Variants in CDH12 observed in about 807,000 individuals in gnomAD.
The protein encoded by CDH12 is cadherin 12, also known as cadherin-12.
Under a neutral mutation model 74.1 loss-of-function variants are expected in CDH12, and 41 were observed. The observed-to-expected ratio is 0.55, with a 90% CI of 0.43 to 0.72. The LOEUF (loss-of-function observed/expected upper bound fraction) is 0.72, where lower values mean the gene tolerates loss of function less well. CDH12 is among the 30% of genes least tolerant of loss of function. The pLI, the probability that CDH12 is intolerant of heterozygous loss-of-function variation, is 0.00. For missense variants in CDH12, 945 were observed against 977.2 expected, an observed-to-expected ratio of 0.97 and a Z score of 0.44; for synonymous variants, 399 against 355.0, an observed-to-expected ratio of 1.12 and a Z score of -1.39.
intron 6 of CDH12, among the ~76,000 whole-genome samples, chr5:21,928,665 T>A (rs1291869235): frequency 6.6e-6 from 1 of 152,194 alleles, no homozygotes; most frequent in African/African-American, 2.4e-5. Context: ...AGTTTTTTTT[T>A]AATTTTGTAT....
chr5:22,450,034 A>G (rs561347798), intron 2 of CDH12, among the ~76,000 whole-genome samples: 1 of 152,192 alleles, frequency 6.6e-6, no homozygotes, highest in Admixed American at 6.6e-5. Flanking sequence ...AATACAATAG[A>G]TTAAACACTC....
intron 2 of CDH12, among the ~76,000 whole-genome samples, chr5:22,497,638 C>CTTTTTTTTT (rs747466944): frequency 7.2e-5 from 6 of 83,232 alleles, no homozygotes; most frequent in Non-Finnish European, 1.3e-4. Context: ...TGTCGAATCT[C>CTTTTTTTTT]TTTTTTTTTT....
intron 1 of CDH12, among the ~76,000 whole-genome samples, chr5:22,654,627 G>GTTT (rs58293821): frequency 2.1e-5 from 3 of 143,584 alleles, no homozygotes; most frequent in Non-Finnish European, 3.0e-5. Context: ...TTGTTTGCTT[G>GTTT]TTTTTTTTTT....
intron 1 of CDH12, among the ~76,000 whole-genome samples, chr5:22,815,765 G>T (rs1418604219): frequency 7.6e-5 from 7 of 91,546 alleles, no homozygotes; most frequent in African/African-American, 1.4e-4. Context: ...AGGAGACTCC[G>T]TCTCAAAAAA....
intron 1 of CDH12, among the ~76,000 whole-genome samples, chr5:22,770,143 A>G (rs1746732400): frequency 6.6e-6 from 1 of 151,660 alleles, no homozygotes; most frequent in South Asian, 2.1e-4. Context: ...CCATTCTTAC[A>G]CCTGTGTATT....
At chr5:21,960,069 G>A (rs1251746883) in intron 6 of CDH12, among the ~76,000 whole-genome samples, 1 of 152,004 alleles carries the variant, frequency 6.6e-6, no homozygotes, top group South Asian at 2.1e-4. Context: ...AGTACAAAGA[G>A]GCTCCCACAC....
intron 1 of CDH12, among the ~76,000 whole-genome samples, chr5:22,613,116 T>A (rs1737497388): frequency 6.6e-6 from 1 of 152,014 alleles, no homozygotes; most frequent in African/African-American, 2.4e-5. Flanking sequence ...AATCTACATG[T>A]CACATTTCAT....
At chr5:21,852,257 C>T (rs1172076553) in intron 7 of CDH12, among the ~76,000 whole-genome samples, 5 of 151,366 alleles carry the variant, frequency 3.3e-5, no homozygotes, top group Admixed American at 3.3e-4. Flanking sequence ...AATATCAAGA[C>T]TTCTGTCTCC....
chr5:22,629,484 T>C (rs576097626), intron 1 of CDH12, among the ~76,000 whole-genome samples: 16 of 152,180 alleles, frequency 1.1e-4, no homozygotes, highest in African/African-American at 3.9e-4. Flanking sequence ...TCTGATTTAT[T>C]ACATAAACAG....
At chr5:22,583,591 T>A (rs1377155948) in intron 1 of CDH12, among the ~76,000 whole-genome samples, 3 of 152,188 alleles carry the variant, frequency 2.0e-5, no homozygotes, top group Non-Finnish European at 4.4e-5. Flanking sequence ...ATGTAGAGGT[T>A]ATTTGCCTTG....
chr5:22,747,384 G>A (rs1745344090), intron 1 of CDH12, among the ~76,000 whole-genome samples: 1 of 150,932 alleles, frequency 6.6e-6, no homozygotes, highest in Non-Finnish European at 1.5e-5. Context: ...AGCAGTTTAG[G>A]AGGCCAACAT....
At chr5:22,623,322 A>T (rs942817255) in intron 1 of CDH12, among the ~76,000 whole-genome samples, 1 of 152,234 alleles carries the variant, frequency 6.6e-6, no homozygotes, top group Non-Finnish European at 1.5e-5. Flanking sequence ...CAGGGCAATC[A>T]GGCAGGAGAA....
intron 3 of CDH12, among the ~76,000 whole-genome samples, chr5:22,322,470 AT>A (rs1187210398): frequency 6.6e-6 from 1 of 152,088 alleles, no homozygotes; most frequent in Non-Finnish European, 1.5e-5. Flanking sequence ...TTATATCATT[AT>A]TTTCTCTGCT....
At chr5:22,284,626 C>T (rs182581906) in intron 3 of CDH12, among the ~76,000 whole-genome samples, 2 of 152,180 alleles carry the variant, frequency 1.3e-5, no homozygotes, top group East Asian at 3.9e-4. Flanking sequence ...TTACACTTAA[C>T]CTATTCATGG....
In CDH12 at chr5:22,602,588, T is replaced by C. The variant is rs773708040; in HGVS notation, c.-522-97224A>G. Among the ~76,000 whole-genome samples the C allele has an allele frequency of 3.6e-4, 55 of 152,200 alleles. 1 individual carries two copies. Among genetic ancestry groups the C allele is most frequent in the South Asian group, 8.3e-4 (4 of 4,828 alleles). Reference sequence around the variant, plus strand: ...CATGCAGAAGATTCAAGAAAAGACATGAGTGAGAGAATACTGTAAATAAAT... The same window carrying C: ...CATGCAGAAGATTCAAGAAAAGACACGAGTGAGAGAATACTGTAAATAAAT... On this transcript the variant is annotated intron_variant, in intron 1 of 14. Coordinates refer to ENST00000382254, the MANE Select transcript of CDH12 (RefSeq NM_004061.5).
chr5:21,910,206 C>G (rs947045035), intron 6 of CDH12, among the ~76,000 whole-genome samples: 4 of 152,122 alleles, frequency 2.6e-5, no homozygotes, highest in Non-Finnish European at 4.4e-5. Context: ...AATCTTCTGG[C>G]TACAAGTGAT....
At chr5:22,796,612 C>T (rs1174653420) in intron 1 of CDH12, among the ~76,000 whole-genome samples, 1 of 101,920 alleles carries the variant, frequency 9.8e-6, no homozygotes, top group Admixed American at 1.0e-4. Context: ...CTCCGCCTCC[C>T]GGGTTCACGC....
intron 1 of CDH12, among the ~76,000 whole-genome samples, chr5:22,525,318 A>G (rs1008854970): frequency 1.3e-5 from 2 of 152,146 alleles, no homozygotes; most frequent in Non-Finnish European, 2.9e-5. Flanking sequence ...TTATTGACCA[A>G]AACAAATCAC....
intron 5 of CDH12, among the ~76,000 whole-genome samples, chr5:22,037,027 G>A (rs888767856): frequency 6.6e-6 from 1 of 152,112 alleles, no homozygotes; most frequent in Admixed American, 6.5e-5. Context: ...AGAGAACTGA[G>A]AGTACAAGGA....
Sources: allele counts gnomAD v4.1 joint callset (sites outside exome capture counted in the v4.1 genomes callset), GRCh38; gene constraint gnomAD v4.1.1; transcripts MANE v1.5; gene names NCBI Gene and HGNC (gene_info 2026-07-23, HGNC 2026-07-21).